Variants in MTF1 observed in about 807,000 individuals in gnomAD.
MTF1 encodes the protein MRE-binding transcription factor.
A neutral mutation model predicts 70.4 loss-of-function variants in MTF1; 22 were observed. The observed-to-expected ratio is 0.31, with a 90% CI of 0.22 to 0.45. MTF1 has a LOEUF of 0.45. MTF1 is among the 20% of genes least tolerant of loss of function. MTF1 has a pLI of 1.00. For synonymous variants in MTF1, 333 were observed against 352.8 expected, an observed-to-expected ratio of 0.94 and a Z score of 0.63; for missense variants, 649 against 922.0, an observed-to-expected ratio of 0.70 and a Z score of 3.83.
Position 37,823,730 on chromosome 1 carries a change from T to C in MTF1, c.1151A>G (p.Gln384Arg), listed in dbSNP as rs931843946. 6.2e-7 allele frequency: 1 copy of C among 1,613,782 alleles called. No individual in the cohort carries two copies. The highest frequency in any genetic ancestry group is 1.1e-5 in the South Asian group (1 of 91,076). ...MFQNSDDTAI[Q>R]EDPQQTASLT... ...CAAACCTGTCTGTTGAGGATCTTCC[T>C]GAATTGCCGTATCATCTGAATTCTG... Residue 384 changes from glutamine (Q) to arginine (R), a missense_variant, in exon 8 of 11, where the codon CAG becomes CGG. Around this residue, in one of 7 missense-constraint regions of MTF1, gnomAD observed 267 missense variants for 292.1 expected, o/e 0.91. Coordinates refer to ENST00000373036, the MANE Select transcript of MTF1 (RefSeq NM_005955.3).
chr1:37,858,059 A>C (rs926156570), intron 1 of MTF1, among the ~76,000 whole-genome samples: 1 of 152,042 alleles, frequency 6.6e-6, no homozygotes, highest in Non-Finnish European at 1.5e-5. Flanking sequence ...AATGCTTTTC[A>C]AAAACTGAAT....
chr1:37,835,139 C>G lies in MTF1; in HGVS notation c.930G>C (p.Met310Ile). 6.2e-7 allele frequency: 1 copy of G among 1,613,976 alleles called. No homozygotes were observed. Among genetic ancestry groups the G allele is most frequent in the East Asian group, 2.2e-5 (1 of 44,884 alleles). Residue 310 changes from methionine (M) to isoleucine (I), a missense_variant, in exon 6 of 11, where the codon ATG (methionine) becomes ATC (isoleucine). Physicochemically the swap from Met to Ile is conservative, Grantham distance 10 (BLOSUM62 1). Around this residue, in one of 7 missense-constraint regions of MTF1, gnomAD observed 118 missense variants for 287.2 expected, o/e 0.41. Transcript: ENST00000373036. ...AGTGTCCTTTGTTATCATGACCTTT[C>G]ATGTGACTTTTGAGACTGTATTGAG... ...FSTQYSLKSHMKGHDNKGHSY... is the reference protein window; with the variant it reads ...FSTQYSLKSHIKGHDNKGHSY...
At chr1:37,834,542 T>A (rs906204518) in intron 6 of MTF1, 8 of 362,660 alleles carry the variant, frequency 2.2e-5, no homozygotes, top group African/African-American at 1.7e-4. Flanking sequence ...ATCTGCTTTA[T>A]GGTTCAGAAA....
At chr1:37,858,200 T>C (rs1353040248) in intron 1 of MTF1, among the ~76,000 whole-genome samples, 3 of 152,102 alleles carry the variant, frequency 2.0e-5, no homozygotes, top group Admixed American at 6.5e-5. Context: ...TAAGGGAAAC[T>C]CCATCCATTC....
At chr1:37,829,137 A>C (rs1641047820) in intron 7 of MTF1, among the ~76,000 whole-genome samples, 1 of 140,878 alleles carries the variant, frequency 7.1e-6, no homozygotes, top group Non-Finnish European at 1.5e-5. Flanking sequence ...TTTTTTTTTG[A>C]GACAGGGTCT....
intron 8 of MTF1, among the ~76,000 whole-genome samples, chr1:37,823,338 G>T (rs940507390): frequency 1.3e-5 from 2 of 152,096 alleles, no homozygotes; most frequent in African/African-American, 4.8e-5. Flanking sequence ...AGCTACTCAG[G>T]AGGCTGAGGT....
At position 37,857,328 on chromosome 1, in the gene MTF1, A is replaced by G. The variant is rs1557601138; in HGVS notation, c.331T>C (p.Ser111Pro). 6.2e-7 allele frequency: 1 copy of G among 1,614,194 alleles called. No homozygotes were observed. Among genetic ancestry groups the G allele is most frequent in the Non-Finnish European group, 8.5e-7 (1 of 1,180,032 alleles). Residue 111 changes from serine to proline, a missense_variant, in exon 2 of 11, where the codon TCC (serine) becomes CCC (proline). By Grantham distance (74) the Ser-to-Pro change is moderately conservative. Transcript: ENST00000373036. ...TCAATATTTCTTGGCATGGGTGTGG[A>G]ACCAGGGTTTATTGTCAAATGAATC... Reference protein sequence around the residue: ...DQIHLTINPGSTPMPRNIEGA... With the variant: ...DQIHLTINPGPTPMPRNIEGA...
chr1:37,833,852 C>A (rs943411557), intron 6 of MTF1, among the ~76,000 whole-genome samples: 12 of 151,746 alleles, frequency 7.9e-5, no homozygotes, highest in Admixed American at 7.9e-4. Context: ...GAGGGTACAG[C>A]AAGTATAAAG....
intron 2 of MTF1, among the ~76,000 whole-genome samples, chr1:37,849,348 C>A (rs1424191961): frequency 6.6e-6 from 1 of 151,940 alleles, no homozygotes; most frequent in East Asian, 1.9e-4. Flanking sequence ...ATCTCTTGAA[C>A]CCTGGAGGCG....
chr1:37,823,926 T>C (rs1188764692), intron 7 of MTF1, 114 bp from the exon 8 acceptor site: 1 of 744,862 alleles, frequency 1.3e-6, no homozygotes, highest in Admixed American at 2.4e-5. Flanking sequence ...ATGCATTTTG[T>C]TTCTACCTTC....
chr1:37,832,984 C>T (rs1281713683), intron 6 of MTF1, among the ~76,000 whole-genome samples: 2 of 149,198 alleles, frequency 1.3e-5, no homozygotes, highest in African/African-American at 2.5e-5. Context: ...CCAGCCTGGG[C>T]GACAAGAGTG....
intron 1 of MTF1, 92 bp downstream of exon 1, chr1:37,859,439 G>A (rs942996282): frequency 2.5e-6 from 1 of 398,568 alleles, no homozygotes; most frequent in Middle Eastern, 6.3e-4. Context: ...ACCAAACTGA[G>A]GTCTCTATTG....
rs148302296 is a variant in MTF1, at chr1:37,815,888, T to G, written c.1832-322A>C. Among the ~76,000 whole-genome samples, 36 of 152,250 alleles carry G rather than the reference T, an allele frequency of 2.4e-4. No homozygotes were observed. Among genetic ancestry groups the G allele is most frequent in the African/African-American group, 8.7e-4 (36 of 41,540 alleles). On this transcript the variant is annotated intron_variant, in intron 10 of 10. Coordinates refer to ENST00000373036, the MANE Select transcript of MTF1 (RefSeq NM_005955.3). This position sits in a 1 kb window ranked among gnomAD's most constrained non-coding sequence, Gnocchi z 4.5. The stretch of plus-strand genomic sequence containing the variant: ...AGGCCTACTTTTCCTGACACGTTCT[T>G]TATACCCCTGGGCCTGTGGGCTCTT...
chr1:37,825,363 G>C (rs1569853643), intron 7 of MTF1, among the ~76,000 whole-genome samples: 1 of 151,880 alleles, frequency 6.6e-6, no homozygotes, highest in Non-Finnish European at 1.5e-5. Context: ...CAGCCTCCAA[G>C]TAGCTGGGAC....
At chr1:37,826,624 C>CA (rs1553147545) in intron 7 of MTF1, 6 of 388,094 alleles carry the variant, frequency 1.5e-5, no homozygotes, top group Non-Finnish European at 3.0e-5. Flanking sequence ...TCAGTGATTC[C>CA]TTTTTTTTTT....
chr1:37,833,017 A>T (rs191222863), intron 6 of MTF1, among the ~76,000 whole-genome samples: 1,841 of 151,498 alleles, frequency 0.012, 16 homozygotes, highest in African/African-American at 0.025. Flanking sequence ...AAAAAAAAAA[A>T]AATAATAATA....
intron 6 of MTF1, chr1:37,834,725 G>A: frequency 2.1e-6 from 1 of 477,806 alleles, no homozygotes. Flanking sequence ...AATTATCAAG[G>A]ATGAGCTGGC....
chr1:37,814,818 T>G lies in MTF1; in HGVS notation c.*318A>C. On this transcript the variant is annotated 3_prime_UTR_variant, in exon 11 of 11. Transcript: ENST00000373036. Reference sequence around the variant, plus strand: ...GATTGATGGAAACCACACCCTTTCATTTAGAATTTTTATGCACACGAGTAA... The same window carrying G: ...GATTGATGGAAACCACACCCTTTCAGTTAGAATTTTTATGCACACGAGTAA... The G allele has an allele frequency of 3.6e-6, 1 of 275,378 alleles. No individual in the cohort carries two copies. Among genetic ancestry groups the G allele is most frequent in the Non-Finnish European group, 6.9e-6 (1 of 143,976 alleles). The allele number at this position is 275,378 out of a possible 1,614,324, so 17.1% of individuals were successfully genotyped here. A position where few individuals can be genotyped will look rare whatever the true frequency, so the allele number is the denominator to read the frequency against.
intron 3 of MTF1, 25 bp from the exon 4 acceptor site, chr1:37,838,781 CCT>C: frequency 1.2e-6 from 1 of 815,166 alleles, no homozygotes; most frequent in South Asian, 1.9e-5. Context: ...AGAAAAATTC[CCT>C]TTGTCATAAA....
Sources: allele counts gnomAD v4.1 joint callset (sites outside exome capture counted in the v4.1 genomes callset), GRCh38; gene constraint gnomAD v4.1.1; regional missense constraint gnomAD v4.1.1; non-coding constraint Gnocchi (gnomAD v3.1); transcripts MANE v1.5; gene names NCBI Gene and HGNC (gene_info 2026-07-23, HGNC 2026-07-21).